MYO1E: variants seen among roughly 807,000 people sequenced by gnomAD.
MYO1E encodes myosin IE, also known as unconventional myosin-Ie.
Under a neutral mutation model 151.1 loss-of-function variants are expected in MYO1E, and 68 were observed. That is an observed-to-expected ratio of 0.45 (90% confidence interval 0.37 to 0.55). The LOEUF is 0.55. MYO1E is among the 20% of genes least tolerant of loss of function. The probability of loss-of-function intolerance (pLI) is 0.00; values close to 1 mark genes in which losing one functional copy is unlikely to be tolerated. For synonymous variants in MYO1E, 601 were observed against 501.7 expected (o/e 1.20, Z -2.64); for missense variants, 1,363 against 1,389.3 (o/e 0.98, Z 0.30).
chr15:59,268,591 A>G (rs1350523766), intron 2 of MYO1E, among the ~76,000 whole-genome samples: 1 of 152,106 alleles, frequency 6.6e-6, no homozygotes, highest in African/African-American at 2.4e-5. Context: ...AGGCAGGATG[A>G]TGCCATTTTT....
At chr15:59,177,239 C>T (rs1285816395) in intron 19 of MYO1E, among the ~76,000 whole-genome samples, 3 of 151,898 alleles carry the variant, frequency 2.0e-5, no homozygotes, top group Non-Finnish European at 4.4e-5. Context: ...TAGAAAAATG[C>T]TACCACAAAC....
intron 9 of MYO1E, chr15:59,218,302 G>C (rs1007234038): frequency 2.9e-6 from 2 of 678,172 alleles, no homozygotes. Flanking sequence ...TTTATGACAT[G>C]AGTCAATTCC....
At chr15:59,216,106 C>T (rs375949884) in intron 10 of MYO1E, among the ~76,000 whole-genome samples, 25 of 152,254 alleles carry the variant, frequency 1.6e-4, no homozygotes, top group East Asian at 9.6e-4. Context: ...TACCTTAAGC[C>T]GTATAAATGT....
chr15:59,257,441 A>C (rs2080200050), intron 3 of MYO1E, among the ~76,000 whole-genome samples: 1 of 152,236 alleles, frequency 6.6e-6, no homozygotes, highest in Non-Finnish European at 1.5e-5. Context: ...AATAGCGTCC[A>C]AGCTGCAAGT....
chr15:59,302,443 A>G (rs532991375), intron 1 of MYO1E, among the ~76,000 whole-genome samples: 3 of 152,334 alleles, frequency 2.0e-5, no homozygotes, highest in African/African-American at 7.2e-5. Flanking sequence ...TAGCTGGGTG[A>G]CCACTGCAGT....
chr15:59,243,290 A>G (rs2080110964), intron 4 of MYO1E, among the ~76,000 whole-genome samples: 1 of 152,202 alleles, frequency 6.6e-6, no homozygotes, highest in South Asian at 2.1e-4. Context: ...AATAACATCA[A>G]TTCCAAAGGA....
intron 17 of MYO1E, among the ~76,000 whole-genome samples, chr15:59,189,872 T>C (rs1314260427): frequency 2.0e-5 from 3 of 152,196 alleles, no homozygotes; most frequent in Admixed American, 6.5e-5. Flanking sequence ...GCAATGTCTT[T>C]TGAAAAAATG....
rs529272459 is a variant in MYO1E, at chr15:59,172,188, C to T, written c.2335-146G>A. The T allele has an allele frequency of 5.1e-4, 464 of 918,122 alleles. 6 individuals are homozygous for T. The South Asian group carries it at 6.4e-3, about 13-fold the overall frequency. 56.9% of individuals were successfully genotyped at this position (918,122 alleles called of 1,614,324 possible). On this transcript the variant is annotated intron_variant, in intron 21 of 27. Transcript: ENST00000288235. Reference sequence around the variant, plus strand: ...CCTGACCAACATGGTGAAACCCCGTCTCTACTGAAAATACAAAAATTAGCT... The same window carrying T: ...CCTGACCAACATGGTGAAACCCCGTTTCTACTGAAAATACAAAAATTAGCT...
chr15:59,264,106 A>C (rs1481183913), intron 2 of MYO1E, among the ~76,000 whole-genome samples: 1 of 152,182 alleles, frequency 6.6e-6, no homozygotes, highest in Non-Finnish European at 1.5e-5. Flanking sequence ...GAACGTTTGC[A>C]TTACACTCAC....
At chr15:59,218,331 CAAT>C in intron 9 of MYO1E, 1 of 631,342 alleles carries the variant, frequency 1.6e-6, no homozygotes, top group Non-Finnish European at 2.9e-6. Flanking sequence ...CTGAGACTTC[CAAT>C]AATACAAATC....
chr15:59,344,826 T>C (rs1422939759), intron 1 of MYO1E, among the ~76,000 whole-genome samples: 2 of 152,116 alleles, frequency 1.3e-5, no homozygotes, highest in Non-Finnish European at 2.9e-5. Context: ...TCAAAGAGCA[T>C]AATATTTAGA....
intron 25 of MYO1E, among the ~76,000 whole-genome samples, chr15:59,155,007 C>T (rs1350675132): frequency 1.3e-5 from 2 of 152,276 alleles, no homozygotes; most frequent in Admixed American, 1.3e-4. Context: ...TTCATCTTAC[C>T]TCATTCCCTC....
rs28477396 is a variant in MYO1E, at chr15:59,227,998, A to G, written c.511-408T>C. Reference sequence around the variant, plus strand: ...CAAAAACACTCAATCTCTCTTACCTACGGAGCATCTAAAATGTTTATCTAG... The same window carrying G: ...CAAAAACACTCAATCTCTCTTACCTGCGGAGCATCTAAAATGTTTATCTAG... On this transcript the variant is annotated intron_variant, in intron 6 of 27. Transcript: ENST00000288235. Among the ~76,000 whole-genome samples the G allele has an allele frequency of 6.0e-3, 907 of 152,214 alleles. 14 individuals are homozygous for G. The highest frequency in any genetic ancestry group is 0.048 in the Middle Eastern group (14 of 294).
intron 4 of MYO1E, among the ~76,000 whole-genome samples, chr15:59,241,663 G>A (rs1414163517): frequency 6.6e-6 from 1 of 151,898 alleles, no homozygotes; most frequent in Non-Finnish European, 1.5e-5. Context: ...GAGACTGCAC[G>A]ACTGCACTCC....
At chr15:59,207,652 A>T in intron 14 of MYO1E, 1 of 1,614,156 alleles carries the variant, frequency 6.2e-7, no homozygotes, top group Non-Finnish European at 8.5e-7. Flanking sequence ...CCATGGATGG[A>T]TCCTCGGAGA....
chr15:59,361,112 T>C (rs1440186394), intron 1 of MYO1E, among the ~76,000 whole-genome samples: 22 of 152,144 alleles, frequency 1.4e-4, no homozygotes, highest in Non-Finnish European at 1.8e-4. Context: ...AAGAGACACA[T>C]GGCCAAGCCA....
At chr15:59,169,098 G>C (rs1378718993) in intron 22 of MYO1E, among the ~76,000 whole-genome samples, 3 of 152,110 alleles carry the variant, frequency 2.0e-5, no homozygotes, top group Non-Finnish European at 4.4e-5. Context: ...TGGTTGGTTT[G>C]AATAGGGAGC....
intron 4 of MYO1E, among the ~76,000 whole-genome samples, chr15:59,242,601 T>C (rs1343063585): frequency 1.3e-5 from 2 of 152,146 alleles, no homozygotes; most frequent in African/African-American, 4.8e-5. Context: ...TATATCACCA[T>C]TTGGCAGCCA....
At chr15:59,229,350 G>C (rs1012320483) in intron 6 of MYO1E, among the ~76,000 whole-genome samples, 7 of 152,118 alleles carry the variant, frequency 4.6e-5, no homozygotes, top group Non-Finnish European at 1.0e-4. Flanking sequence ...TTTTCAAAAA[G>C]CACCCAGCTG....
Sources: gnomAD v4.1 joint callset for allele counts (sites outside exome capture counted in the v4.1 genomes callset) on GRCh38, gnomAD v4.1.1 for gene constraint, MANE v1.5 for transcripts, NCBI Gene and HGNC (gene_info 2026-07-23, HGNC 2026-07-21) for gene names.